The following OTUD7A variants were observed in gnomAD, a reference collection of about 807,000 sequenced individuals.
OTUD7A encodes OTU domain-containing protein 7A.
In OTUD7A, 12 loss-of-function variants were observed where a neutral mutation model predicts 65.7. The observed-to-expected ratio is 0.18, with a 90% CI of 0.12 to 0.30. The LOEUF (loss-of-function observed/expected upper bound fraction) is 0.30, where lower values mean the gene tolerates loss of function less well. OTUD7A is among the 10% of genes least tolerant of loss of function. The pLI, the probability that OTUD7A is intolerant of heterozygous loss-of-function variation, is 1.00. For synonymous variants in OTUD7A, 641 were observed against 586.3 expected, an observed-to-expected ratio of 1.09 and a Z score of -1.35; for missense variants, 1,148 against 1,304.8, an observed-to-expected ratio of 0.88 and a Z score of 1.85.
At position 31,587,915 on chromosome 15, in the gene OTUD7A, C is replaced by T. The variant is rs369350444; in HGVS notation, c.152-17718G>A. On this transcript the variant is annotated intron_variant, in intron 3 of 12. Coordinates refer to ENST00000307050, the MANE Select transcript of OTUD7A (RefSeq NM_001382637.1). ...CAAAATATCTGCACTCTTTCTCCCT[C>T]ACTTCATTGTGGTCTCTCCTGAGCT... is the stretch of plus-strand genomic sequence containing the variant. Among the ~76,000 whole-genome samples, 5 of 152,104 alleles carry T rather than the reference C, an allele frequency of 3.3e-5. No individual in the cohort carries two copies. In the East Asian group the frequency reaches 9.7e-4, roughly 30 times the overall value.
At chr15:31,856,873 A>C (rs1897588108) in intron 1 of OTUD7A, among the ~76,000 whole-genome samples, 1 of 152,184 alleles carries the variant, frequency 6.6e-6, no homozygotes, top group Non-Finnish European at 1.5e-5. Flanking sequence ...GCATCACAGA[A>C]GTTGGTGGAG....
chr15:31,495,231 T>C (rs925043525), intron 10 of OTUD7A, among the ~76,000 whole-genome samples: 1 of 152,204 alleles, frequency 6.6e-6, no homozygotes, highest in African/African-American at 2.4e-5. Context: ...TTTGGAACAG[T>C]GCTTTGGGTC....
intron 8 of OTUD7A, among the ~76,000 whole-genome samples, chr15:31,504,482 C>T (rs557207708): frequency 5.9e-5 from 9 of 152,188 alleles, no homozygotes; most frequent in Non-Finnish European, 1.2e-4. Context: ...CTAAGACGTT[C>T]GGGCAGAAGG....
chr15:31,545,908 G>A (rs1234557692), intron 5 of OTUD7A, among the ~76,000 whole-genome samples: 1 of 152,120 alleles, frequency 6.6e-6, no homozygotes, highest in Non-Finnish European at 1.5e-5. Flanking sequence ...TTCTGAATCT[G>A]CGAATTCAAC....
intron 1 of OTUD7A, among the ~76,000 whole-genome samples, chr15:31,866,171 T>G (rs1242300691): frequency 1.3e-5 from 2 of 152,242 alleles, no homozygotes; most frequent in Non-Finnish European, 1.5e-5. Flanking sequence ...TAGCAAGGAC[T>G]GGGGTTTTGT....
intron 1 of OTUD7A, among the ~76,000 whole-genome samples, chr15:31,786,630 A>G (rs1895681255): frequency 6.6e-6 from 1 of 152,014 alleles, no homozygotes; most frequent in Admixed American, 6.6e-5. Context: ...CCACCCTTTC[A>G]CTTCATTGTT....
intron 3 of OTUD7A, among the ~76,000 whole-genome samples, chr15:31,648,801 T>G (rs2654157): frequency 1.2e-4 from 18 of 152,244 alleles, no homozygotes; most frequent in Admixed American, 8.5e-4. Context: ...TCGCTCTGTC[T>G]CCAGGCTGGA....
At chr15:31,754,767 T>C (rs1351242183) in intron 1 of OTUD7A, among the ~76,000 whole-genome samples, 5 of 152,234 alleles carry the variant, frequency 3.3e-5, no homozygotes, top group Non-Finnish European at 4.4e-5. Flanking sequence ...GGGCTTATAG[T>C]ATAGTTTGAA....
intron 1 of OTUD7A, among the ~76,000 whole-genome samples, chr15:31,755,617 G>C (rs930550726): frequency 1.3e-5 from 2 of 152,072 alleles, no homozygotes; most frequent in African/African-American, 4.8e-5. Flanking sequence ...AGCTACTTGG[G>C]AGGCTGAGGC....
intron 3 of OTUD7A, among the ~76,000 whole-genome samples, chr15:31,632,205 C>G (rs1442231645): frequency 6.6e-6 from 1 of 152,206 alleles, no homozygotes; most frequent in South Asian, 2.1e-4. Flanking sequence ...CTGTTTTTTC[C>G]CCATCTTTGT....
intron 5 of OTUD7A, among the ~76,000 whole-genome samples, chr15:31,549,822 G>A (rs964818362): frequency 3.3e-5 from 5 of 152,152 alleles, no homozygotes; most frequent in Admixed American, 3.3e-4. Flanking sequence ...AGAGCTAGAC[G>A]GCAAGGATGT....
At chr15:31,853,053 G>A (rs1185378893) in intron 1 of OTUD7A, among the ~76,000 whole-genome samples, 2 of 152,162 alleles carry the variant, frequency 1.3e-5, no homozygotes, top group Non-Finnish European at 2.9e-5. Context: ...GAAGGGCCTG[G>A]GTGGCCCTCG....
Position 31,484,282 on chromosome 15 carries a change from G to T in OTUD7A, c.1814C>A (p.Ala605Glu). The change falls in exon 13 of 13, where the codon GCG (alanine) becomes GAG (glutamate). Residue 605 changes from alanine (A) to glutamate (E), a missense_variant. Ala to Glu is a moderately radical substitution (Grantham distance 107). This residue lies in a region of OTUD7A where 842 missense variants were observed against 769.5 expected (regional missense o/e 1.09). Coordinates refer to ENST00000307050, the MANE Select transcript of OTUD7A (RefSeq NM_001382637.1). The surrounding 1 kb of genome is among the most constrained non-coding windows in gnomAD (Gnocchi z 4.5). ...CCCACCGCCCTTCTCCGCCGGCGAC[G>T]CGCCCGCTGCCTTGTCTGTGGGCGA... ...TPSPTDKAAGASPAEKGGGPR... is the reference protein window; with the variant it reads ...TPSPTDKAAGESPAEKGGGPR... 1 of 1,592,810 alleles carries T rather than the reference G, an allele frequency of 6.3e-7. No homozygotes were observed.
chr15:31,484,343 A>G lies in OTUD7A; in HGVS notation c.1753T>C (p.Ser585Pro), dbSNP rs753063171. The G allele has an allele frequency of 1.9e-6, 3 of 1,600,562 alleles. No homozygotes were observed. Among genetic ancestry groups the G allele is most frequent in the East Asian group, 4.5e-5 (2 of 44,786 alleles). Residue 585 changes from serine (S) to proline (P), a missense_variant, in exon 13 of 13, where the codon TCG (serine) becomes CCG (proline). Ser to Pro is a moderately conservative substitution (Grantham distance 74, BLOSUM62 -1). This residue lies in a region of OTUD7A where 842 missense variants were observed against 769.5 expected (regional missense o/e 1.09). Coordinates refer to ENST00000307050, the MANE Select transcript of OTUD7A (RefSeq NM_001382637.1). The surrounding 1 kb of genome is among the most constrained non-coding windows in gnomAD (Gnocchi z 4.5). The part of the protein sequence containing the change: ...RKGSKEESGA[S>P]ASTSPSEKTT... ...TTTTCCGACGGCGACGTGCTGGCCGACGCACCAGACTCCTCCTTGCTGCCC... is the reference window on the plus strand; with the variant it reads ...TTTTCCGACGGCGACGTGCTGGCCGGCGCACCAGACTCCTCCTTGCTGCCC...
intron 1 of OTUD7A, among the ~76,000 whole-genome samples, chr15:31,808,138 A>ACACACACACACACAC (rs56773953): frequency 7.0e-5 from 8 of 113,536 alleles, no homozygotes; most frequent in African/African-American, 2.7e-4. Context: ...CACACACACA[A>ACACACACACACACAC]ACAAATCCTC....
rs573318305 is a variant in OTUD7A at position 31,608,996 on chromosome 15, G to A, written c.152-38799C>T. ...TCTCACTGGGGAAACTGAAGGTCTAGTTTGTGGGAGAAGTTTCTGACCTTA... is the reference window on the plus strand; with the variant it reads ...TCTCACTGGGGAAACTGAAGGTCTAATTTGTGGGAGAAGTTTCTGACCTTA... On this transcript the variant is annotated intron_variant, in intron 3 of 12. Transcript: ENST00000307050. 3.3e-5 allele frequency among the ~76,000 whole-genome samples: 5 copies of A among 152,336 alleles called. No homozygotes were observed. In the South Asian group the frequency reaches 1.0e-3, roughly 32 times the overall value.
intron 5 of OTUD7A, among the ~76,000 whole-genome samples, chr15:31,541,917 T>C (rs933363959): frequency 1.3e-5 from 2 of 152,164 alleles, no homozygotes; most frequent in Admixed American, 6.5e-5. Flanking sequence ...TAGCCTAGGC[T>C]TAGCAGAGGA....
At chr15:31,549,277 A>T (rs545267302) in intron 5 of OTUD7A, among the ~76,000 whole-genome samples, 1 of 152,242 alleles carries the variant, frequency 6.6e-6, no homozygotes, top group Admixed American at 6.5e-5. Flanking sequence ...TGACCACAAC[A>T]TATTCAGTAT....
At chr15:31,503,996 A>G (rs1244018551) in intron 8 of OTUD7A, among the ~76,000 whole-genome samples, 178 bp from the exon 9 acceptor site, 2 of 152,216 alleles carry the variant, frequency 1.3e-5, no homozygotes, top group Non-Finnish European at 2.9e-5. Context: ...GCAAATGCAC[A>G]GGTCCCAGCT....
Sources: allele counts gnomAD v4.1 joint callset (sites outside exome capture counted in the v4.1 genomes callset), GRCh38; gene constraint gnomAD v4.1.1; regional missense constraint gnomAD v4.1.1; non-coding constraint Gnocchi (gnomAD v3.1); transcripts MANE v1.5; gene names NCBI Gene and HGNC (gene_info 2026-07-23, HGNC 2026-07-21).